The following DGAT2L6 variants were observed in gnomAD, a reference collection of about 807,000 sequenced individuals.
DGAT2L6 encodes diacylglycerol O-acyltransferase 2 like 6.
Under a neutral mutation model 25.5 loss-of-function variants are expected in DGAT2L6, and 22 were observed. The observed-to-expected ratio is 0.86, with a 90% confidence interval of 0.62 to 1.23. DGAT2L6 has a LOEUF of 1.23. Among genes scored for constraint, DGAT2L6 ranks in the 50% most tolerant of loss-of-function variants. The probability of loss-of-function intolerance (pLI) is 0.00; values close to 1 mark genes in which losing one functional copy is unlikely to be tolerated. For synonymous variants in DGAT2L6, 100 were observed against 94.7 expected (o/e 1.06, Z -0.32); for missense variants, 287 against 253.2 (o/e 1.13, Z -0.91).
intron 1 of DGAT2L6, among the ~76,000 whole-genome samples, chrX:70,182,792 TA>T: frequency 8.9e-6 from 1 of 111,847 alleles, no homozygotes; most frequent in Non-Finnish European, 1.9e-5. Context: ...TAGCTGGGAC[TA>T]CAGGTGCCCG....
chrX:70,191,027 C>T (rs1310195396), intron 1 of DGAT2L6, among the ~76,000 whole-genome samples: 1 of 112,365 alleles, frequency 8.9e-6, no homozygotes, highest in African/African-American at 3.2e-5. Context: ...CAGAAGCCCC[C>T]CCATAAACCT....
chrX:70,200,523 C>A, intron 4 of DGAT2L6, 64 bp downstream of exon 4: 1 of 1,022,666 alleles, frequency 9.8e-7, no homozygotes, highest in Middle Eastern at 2.8e-4. Flanking sequence ...CCCAATAAGT[C>A]CTGACAATCA....
rs905057868 is a variant in DGAT2L6 at position 70,201,882 on chromosome X, T to C, written c.473-8T>C. 1.7e-6 allele frequency: 2 copies of C among 1,157,905 alleles called. No homozygotes were observed. Among genetic ancestry groups the C allele is most frequent in the African/African-American group, 3.7e-5 (2 of 54,392 alleles). On this transcript the variant is annotated splice_region_variant and splice_polypyrimidine_tract_variant and intron_variant, in intron 4 of 6. Coordinates refer to ENST00000333026, the MANE Select transcript of DGAT2L6 (RefSeq NM_198512.3). ...GTTTTTCTACCACTTGACTCTTTGG[T>C]TTCACAGGTGTGTGCCCTGTGAGTA...
At chrX:70,184,268 A>G (rs998058222) in intron 1 of DGAT2L6, among the ~76,000 whole-genome samples, 2 of 109,706 alleles carry the variant, frequency 1.8e-5, no homozygotes, top group African/African-American at 6.7e-5. Context: ...CCTTTTAACT[A>G]CCGAAATTGA....
chrX:70,194,503 C>A (rs2085384934), intron 1 of DGAT2L6, among the ~76,000 whole-genome samples: 1 of 111,880 alleles, frequency 8.9e-6, no homozygotes, highest in African/African-American at 3.2e-5. Context: ...TATTACAAAG[C>A]CATAGTAATC....
chrX:70,205,191 G>A lies in DGAT2L6; in HGVS notation c.*85G>A. ...CAGAAAAAGAAGAATTCCAGGAGAG[G>A]GAAAGATCGTAAGGATGAGAGAGGA... On this transcript the variant is annotated 3_prime_UTR_variant, in exon 7 of 7. Transcript: ENST00000333026. 10 of 1,004,232 alleles carry A rather than the reference G, an allele frequency of 1.0e-5. No individual in the cohort carries two copies. Among genetic ancestry groups the A allele is most frequent in the African/African-American group, 2.0e-5 (1 of 51,196 alleles). 82.8% of individuals were successfully genotyped at this position (1,004,232 alleles called of 1,213,427 possible).
chrX:70,180,585 A>C (rs745732170), intron 1 of DGAT2L6, among the ~76,000 whole-genome samples: 178 of 112,123 alleles, frequency 1.6e-3, no homozygotes, highest in African/African-American at 5.5e-3. Context: ...AACCATTTCT[A>C]AGTATGCTCT....
rs150651976 is a variant in DGAT2L6 at position 70,194,332 on chromosome X, T to C, written c.86-4939T>C. Reference sequence around the variant, plus strand: ...TGTCTATACTACTCAAAGTGAGCTATAGATCCAATACAATCCCTATGAAAA... The same window carrying C: ...TGTCTATACTACTCAAAGTGAGCTACAGATCCAATACAATCCCTATGAAAA... On this transcript the variant is annotated intron_variant, in intron 1 of 6. Transcript: ENST00000333026. Among the ~76,000 whole-genome samples, 21 of 111,783 alleles carry C rather than the reference T, an allele frequency of 1.9e-4. No individual in the cohort carries two copies. The East Asian group carries it at 5.9e-3, about 31-fold the overall frequency.
chrX:70,181,506 C>T (rs1358087305), intron 1 of DGAT2L6, among the ~76,000 whole-genome samples: 2 of 112,283 alleles, frequency 1.8e-5, no homozygotes, highest in African/African-American at 6.5e-5. Context: ...TCCAACAGGG[C>T]GTGATGCCCA....
chrX:70,204,245 G>A lies in DGAT2L6; in HGVS notation c.648-60G>A. ...GAGGTTGGAGAGGTTTCCCACCTTGGAGAGGATTTTTCCGGGGATCTTCCT... is the reference window on the plus strand; with the variant it reads ...GAGGTTGGAGAGGTTTCCCACCTTGAAGAGGATTTTTCCGGGGATCTTCCT... On this transcript the variant is annotated intron_variant, in intron 5 of 6. Coordinates refer to ENST00000333026, the MANE Select transcript of DGAT2L6 (RefSeq NM_198512.3). The A allele has an allele frequency of 1.4e-5, 15 of 1,042,396 alleles. No individual in the cohort carries two copies. The South Asian group carries it at 2.7e-4, about 19-fold the overall frequency. The allele number at this position is 1,042,396 out of a possible 1,213,427, so 85.9% of individuals were successfully genotyped here.
chrX:70,202,921 C>T (rs1332675685), intron 5 of DGAT2L6, among the ~76,000 whole-genome samples: 3 of 111,775 alleles, frequency 2.7e-5, no homozygotes, highest in Admixed American at 9.5e-5. Flanking sequence ...GCCTCTCTGT[C>T]CTCATCACTC....
chrX:70,203,714 G>A (rs1016720213), intron 5 of DGAT2L6, among the ~76,000 whole-genome samples: 3 of 110,843 alleles, frequency 2.7e-5, no homozygotes, highest in Non-Finnish European at 3.8e-5. Context: ...TACCTAATCC[G>A]CGTTGGGGGA....
chrX:70,179,763 T>A (rs1469233454), intron 1 of DGAT2L6, among the ~76,000 whole-genome samples: 4 of 108,937 alleles, frequency 3.7e-5, no homozygotes, highest in African/African-American at 1.3e-4. Flanking sequence ...AGACGGGGTA[T>A]CGCCATGTTA....
At chrX:70,201,052 CT>C (rs2085408644) in intron 4 of DGAT2L6, among the ~76,000 whole-genome samples, 1 of 112,148 alleles carries the variant, frequency 8.9e-6, no homozygotes, top group African/African-American at 3.2e-5. Context: ...AGTCAGGGCA[CT>C]GTGACAAATG....
chrX:70,193,779 C>A (rs1170806800), intron 1 of DGAT2L6, among the ~76,000 whole-genome samples: 3 of 111,531 alleles, frequency 2.7e-5, no homozygotes, highest in Non-Finnish European at 5.7e-5. Context: ...ATGAAAAGTC[C>A]ACAGCTAACA....
intron 1 of DGAT2L6, among the ~76,000 whole-genome samples, chrX:70,197,735 G>C (rs919413402): frequency 1.8e-5 from 2 of 112,122 alleles, no homozygotes; most frequent in Non-Finnish European, 3.8e-5. Flanking sequence ...ATACACTTAG[G>C]CTAACTTTAA....
chrX:70,205,314 G>A lies in DGAT2L6; in HGVS notation c.*208G>A. On this transcript the variant is annotated 3_prime_UTR_variant, in exon 7 of 7. Transcript: ENST00000333026. ...AGGCTTAGGGGAAAGAACCAGAGGGGCAGGGGAGGACTGGGGAGGGCTGGC... is the reference window on the plus strand; with the variant it reads ...AGGCTTAGGGGAAAGAACCAGAGGGACAGGGGAGGACTGGGGAGGGCTGGC... The A allele has an allele frequency of 2.4e-6, 1 of 408,553 alleles. No individual in the cohort carries two copies. The highest frequency in any genetic ancestry group is 3.7e-6 in the Non-Finnish European group (1 of 267,546). The allele number at this position is 408,553 out of a possible 1,213,427, so 33.7% of individuals were successfully genotyped here. A position where few individuals can be genotyped will look rare whatever the true frequency, so the allele number is the denominator to read the frequency against.
chrX:70,204,924 G>A, intron 6 of DGAT2L6, 28 bp from the exon 7 acceptor site: 2 of 1,156,085 alleles, frequency 1.7e-6, no homozygotes, highest in South Asian at 2.2e-5. Flanking sequence ...GGGGAACTCT[G>A]ATGTTTGTCT....
At chrX:70,185,775 A>G (rs62605178) in intron 1 of DGAT2L6, among the ~76,000 whole-genome samples, 6,068 of 111,004 alleles carry the variant, frequency 0.055, 146 homozygotes, top group South Asian at 0.17. Context: ...CACTCCTACA[A>G]GTTCTTATAT....
Sources: gnomAD v4.1 joint callset for allele counts (sites outside exome capture counted in the v4.1 genomes callset) on GRCh38, gnomAD v4.1.1 for gene constraint, MANE v1.5 for transcripts, NCBI Gene and HGNC (gene_info 2026-07-23, HGNC 2026-07-21) for gene names.